The following KCNB2 variants were observed in gnomAD, a reference collection of about 807,000 sequenced individuals.
The protein encoded by KCNB2 is potassium voltage-gated channel subfamily B member 2.
A neutral mutation model predicts 61.5 loss-of-function variants in KCNB2; 15 were observed. That is an observed-to-expected ratio of 0.24 (90% CI 0.16 to 0.38). The LOEUF (loss-of-function observed/expected upper bound fraction) is 0.38. Among genes scored for constraint, KCNB2 ranks in the 10% least tolerant of loss-of-function variants. The pLI, the probability that KCNB2 is intolerant of heterozygous loss-of-function variation, is 1.00. For synonymous variants in KCNB2, 457 were observed against 446.0 expected, an observed-to-expected ratio of 1.02 and a Z score of -0.31; for missense variants, 828 against 1,125.2, an observed-to-expected ratio of 0.74 and a Z score of 3.78.
intron 2 of KCNB2, among the ~76,000 whole-genome samples, chr8:72,861,362 T>C (rs1043002813): frequency 9.2e-5 from 14 of 152,158 alleles, no homozygotes; most frequent in African/African-American, 3.4e-4. Context: ...CCACACAATT[T>C]AAAAGCCAAG....
rs796436534 is a variant in KCNB2, at chr8:72,821,659, A to ACAAC, written c.580-114276_580-114275insCAAC. Among the ~76,000 whole-genome samples the ACAAC allele has an allele frequency of 7.9e-4, 92 of 117,078 alleles. 1 individual carries two copies. The highest frequency in any genetic ancestry group is 1.3e-3 in the Non-Finnish European group (74 of 58,738). 76.8% of individuals were successfully genotyped at this position (117,078 alleles called of 152,430 possible). A position where few individuals can be genotyped will look rare whatever the true frequency, so the allele number is the denominator to read the frequency against. ...AAAAAAACAAAAAAAAAAAAAAAAA[A>ACAAC]ACACACACACACCAAGCCCCCACAG... On this transcript the variant is annotated intron_variant, in intron 2 of 2. Transcript: ENST00000523207.
chr8:72,736,731 A>T (rs2128994046), intron 2 of KCNB2, among the ~76,000 whole-genome samples: 1 of 152,286 alleles, frequency 6.6e-6, no homozygotes, highest in East Asian at 1.9e-4. Flanking sequence ...ATTGAAATAA[A>T]GGTAAATACA....
chr8:72,784,177 A>T (rs1339173050), intron 2 of KCNB2, among the ~76,000 whole-genome samples: 3 of 152,108 alleles, frequency 2.0e-5, no homozygotes, highest in African/African-American at 7.2e-5. Flanking sequence ...ATCACCACTC[A>T]TGCTATGTAT....
chr8:72,616,698 T>C (rs547964285), intron 2 of KCNB2, among the ~76,000 whole-genome samples: 1 of 152,336 alleles, frequency 6.6e-6, no homozygotes, highest in Admixed American at 6.5e-5. Context: ...TGTCTTCCTC[T>C]TCCCATGGAA....
intron 2 of KCNB2, among the ~76,000 whole-genome samples, chr8:72,812,185 C>T (rs996544210): frequency 1.3e-5 from 2 of 151,842 alleles, no homozygotes; most frequent in Non-Finnish European, 2.9e-5. Flanking sequence ...TTGCTTAAAC[C>T]GGGACCTGGG....
chr8:72,688,814 C>G (rs1273297947), intron 2 of KCNB2, among the ~76,000 whole-genome samples: 1 of 152,152 alleles, frequency 6.6e-6, no homozygotes, highest in Non-Finnish European at 1.5e-5. Flanking sequence ...GCAACCTCCG[C>G]CTCCCAGGCT....
At chr8:72,913,621 G>C (rs959013438) in intron 2 of KCNB2, among the ~76,000 whole-genome samples, 19 of 152,152 alleles carry the variant, frequency 1.2e-4, no homozygotes, top group African/African-American at 4.3e-4. Flanking sequence ...GGATGGATGA[G>C]ACAGAGGGCC....
chr8:72,798,296 A>G (rs760413303), intron 2 of KCNB2, among the ~76,000 whole-genome samples: 7 of 152,182 alleles, frequency 4.6e-5, no homozygotes, highest in Non-Finnish European at 8.8e-5. Context: ...CATCTCAATG[A>G]TTTTGTAATC....
chr8:72,781,873 A>G (rs1160737362), intron 2 of KCNB2, among the ~76,000 whole-genome samples: 1 of 152,158 alleles, frequency 6.6e-6, no homozygotes, highest in Non-Finnish European at 1.5e-5. Context: ...AGAAAACAAA[A>G]CACTGCATGT....
At chr8:72,598,810 G>GACAA (rs1308817334) in intron 2 of KCNB2, among the ~76,000 whole-genome samples, 84 of 151,324 alleles carry the variant, frequency 5.6e-4, no homozygotes, top group African/African-American at 1.6e-3. Context: ...ACCAATAAGA[G>GACAA]ACAGAGAGCC....
intron 2 of KCNB2, among the ~76,000 whole-genome samples, chr8:72,724,618 T>C (rs1459288798): frequency 6.6e-6 from 1 of 152,174 alleles, no homozygotes; most frequent in Non-Finnish European, 1.5e-5. Flanking sequence ...CACGTTAAAT[T>C]TGAATTTCAG....
intron 2 of KCNB2, among the ~76,000 whole-genome samples, chr8:72,695,984 C>T (rs1585835572): frequency 6.6e-6 from 1 of 152,276 alleles, no homozygotes; most frequent in East Asian, 1.9e-4. Context: ...GAATCAGGGT[C>T]CTCGGCTGTA....
intron 2 of KCNB2, among the ~76,000 whole-genome samples, chr8:72,934,339 A>AC (rs1239274016): frequency 7.0e-6 from 1 of 143,816 alleles, no homozygotes; most frequent in African/African-American, 2.6e-5. Context: ...CTGAGATTGC[A>AC]CCACTGCACT....
chr8:72,823,603 A>G (rs569798225), intron 2 of KCNB2, among the ~76,000 whole-genome samples: 1 of 152,340 alleles, frequency 6.6e-6, no homozygotes, highest in South Asian at 2.1e-4. Flanking sequence ...TTGAAACTAA[A>G]TTCTCAAGAG....
chr8:72,578,539 A>T (rs181311488), intron 2 of KCNB2, among the ~76,000 whole-genome samples: 1 of 152,304 alleles, frequency 6.6e-6, no homozygotes, highest in Admixed American at 6.5e-5. Context: ...AAGCAAAAAA[A>T]ATCGGTTTTA....
At chr8:72,666,617 A>G (rs896094637) in intron 2 of KCNB2, among the ~76,000 whole-genome samples, 19 of 149,312 alleles carry the variant, frequency 1.3e-4, no homozygotes, top group African/African-American at 3.5e-4. Flanking sequence ...ACAATTTTCT[A>G]TTTTCTTCAG....
chr8:72,651,058 G>A (rs1218408952), intron 2 of KCNB2, among the ~76,000 whole-genome samples: 5 of 152,074 alleles, frequency 3.3e-5, no homozygotes, highest in Non-Finnish European at 7.4e-5. Context: ...GGGTTGCATT[G>A]GAAAAAATGT....
At chr8:72,633,852 G>A (rs564431159) in intron 2 of KCNB2, among the ~76,000 whole-genome samples, 12 of 152,118 alleles carry the variant, frequency 7.9e-5, no homozygotes, top group Middle Eastern at 3.4e-3. Context: ...TGATATAAAC[G>A]TACCCTGCTA....
intron 2 of KCNB2, among the ~76,000 whole-genome samples, chr8:72,821,641 C>A (rs10098824): frequency 0.29 from 34,954 of 121,370 alleles, 5,155 homozygotes; most frequent in East Asian, 0.53. Context: ...CAAAAAAAAA[C>A]AAAAAAAAAA....
Sources: allele counts gnomAD v4.1 joint callset (sites outside exome capture counted in the v4.1 genomes callset), GRCh38; gene constraint gnomAD v4.1.1; transcripts MANE v1.5; gene names NCBI Gene and HGNC (gene_info 2026-07-23, HGNC 2026-07-21).